The following ZFR variants were observed in gnomAD, a reference collection of about 807,000 sequenced individuals.
ZFR encodes zinc finger RNA-binding protein.
Under a neutral mutation model 130.7 loss-of-function variants are expected in ZFR, and 19 were observed. That is an observed-to-expected ratio of 0.15 (90% CI 0.10 to 0.21). The LOEUF is 0.21. Among genes scored for constraint, ZFR ranks in the 10% least tolerant of loss-of-function variants. The probability of loss-of-function intolerance (pLI) is 1.00; values close to 1 mark genes in which losing one functional copy is unlikely to be tolerated. For synonymous variants in ZFR, 466 were observed against 456.9 expected, an observed-to-expected ratio of 1.02 and a Z score of -0.25; for missense variants, 872 against 1,321.5, an observed-to-expected ratio of 0.66 and a Z score of 5.27.
chr5:32,419,662 T>C (rs966586527), intron 3 of ZFR, among the ~76,000 whole-genome samples, 159 bp downstream of exon 3: 2 of 152,202 alleles, frequency 1.3e-5, no homozygotes, highest in African/African-American at 4.8e-5. Context: ...ATGGTTGGTA[T>C]GTCCCAAACT....
chr5:32,383,908 C>T (rs1199222456), intron 15 of ZFR: 2 of 391,382 alleles, frequency 5.1e-6, no homozygotes, highest in South Asian at 1.8e-5. Context: ...CAAAATCTTT[C>T]CATTTTGGAC....
chr5:32,395,182 C>T lies in ZFR; in HGVS notation c.1956G>A (p.Glu652=). The T allele has an allele frequency of 6.2e-7, 1 of 1,604,014 alleles. No individual in the cohort carries two copies. Among genetic ancestry groups the T allele is most frequent in the Non-Finnish European group, 8.5e-7 (1 of 1,175,730 alleles). ...KEEYWRRREE[E]ERWRMEMRRY... Reference sequence around the variant, plus strand: ...ACCTCATTTCCATTCTCCAACGCTCCTCTTCTTCTCGTCTTCGCCAGTACT... The same window carrying T: ...ACCTCATTTCCATTCTCCAACGCTCTTCTTCTTCTCGTCTTCGCCAGTACT... Residue 652 remains glutamate (E), a synonymous_variant, in exon 11 of 20, where the codon GAG becomes GAA. Transcript: ENST00000265069.
rs1175218331 is a variant in ZFR at position 32,403,099 on chromosome 5, T to C, written c.1516+7A>G. On this transcript the variant is annotated splice_region_variant and intron_variant, in intron 8 of 19. Transcript: ENST00000265069. ...AGTCAGCAGGGACAGAGAATATCAGTACTTGCCAACAAAATTTATTTTGGG... is the reference window on the plus strand; with the variant it reads ...AGTCAGCAGGGACAGAGAATATCAGCACTTGCCAACAAAATTTATTTTGGG... 6.2e-7 allele frequency: 1 copy of C among 1,612,826 alleles called. No individual in the cohort carries two copies. Among genetic ancestry groups the C allele is most frequent in the Admixed American group, 1.7e-5 (1 of 59,940 alleles).
intron 12 of ZFR, 53 bp from the exon 13 acceptor site, chr5:32,388,727 A>T (rs1753094946): frequency 2.1e-6 from 3 of 1,454,310 alleles, no homozygotes; most frequent in Non-Finnish European, 2.8e-6. Flanking sequence ...GAGCAAAAGC[A>T]AATTATATTT....
chr5:32,356,033 A>G (rs537182595), intron 19 of ZFR, 94 bp from the exon 20 acceptor site: 2 of 958,834 alleles, frequency 2.1e-6, no homozygotes, highest in Non-Finnish European at 3.0e-6. Flanking sequence ...AACCTAAAAA[A>G]GCATGTGTAA....
chr5:32,404,909 C>T (rs1040909708), intron 6 of ZFR, among the ~76,000 whole-genome samples: 2 of 152,114 alleles, frequency 1.3e-5, no homozygotes, highest in African/African-American at 4.8e-5. Context: ...CTCCACCTCC[C>T]AGGCTCATGT....
chr5:32,444,734 A>C lies in ZFR; in HGVS notation c.-76T>G. On this transcript the variant is annotated 5_prime_UTR_variant, in exon 1 of 20. Transcript: ENST00000265069. The stretch of plus-strand genomic sequence containing the variant: ...CCTCTGCCCCGCTCCTCCTCAGCGG[A>C]GAACAGACCGCCGCCTCCGACCGCA... The C allele has an allele frequency of 1.3e-6, 2 of 1,481,674 alleles. No homozygotes were observed. The highest frequency in any genetic ancestry group is 1.8e-6 in the Non-Finnish European group (2 of 1,116,216). The allele number at this position is 1,481,674 out of a possible 1,614,324, so 91.8% of individuals were successfully genotyped here. A position where few individuals can be genotyped will look rare whatever the true frequency, so the allele number is the denominator to read the frequency against.
At chr5:32,375,555 G>C (rs1427979661) in intron 17 of ZFR, among the ~76,000 whole-genome samples, 1 of 152,174 alleles carries the variant, frequency 6.6e-6, no homozygotes, top group Non-Finnish European at 1.5e-5. Context: ...TGTCACCCAG[G>C]CTGGAGTGCC....
intron 19 of ZFR, among the ~76,000 whole-genome samples, chr5:32,356,343 C>G (rs1752306668): frequency 6.6e-6 from 1 of 152,166 alleles, no homozygotes; most frequent in African/African-American, 2.4e-5. Context: ...TGTAATTATA[C>G]TCATGTGGAT....
At position 32,403,938 on chromosome 5, in the gene ZFR, C is replaced by T; in HGVS notation, c.1192G>A (p.Ala398Thr). The change falls in exon 7 of 20, where the codon GCT becomes ACT. Residue 398 changes from alanine to threonine, a missense_variant. Around this residue, in one of 7 missense-constraint regions of ZFR, gnomAD observed 21 missense variants for 54.4 expected, o/e 0.39. Transcript: ENST00000265069. ...TGCTTAGCACCACGAATGTGGGCAG[C>T]ATACGCATCTGCTCCTGTACAAGAC... ...DVSCTGADAYAAHIRGAKHQK... is the reference protein window; with the variant it reads ...DVSCTGADAYTAHIRGAKHQK... 1 of 1,603,940 alleles carries T rather than the reference C, an allele frequency of 6.2e-7. No individual in the cohort carries two copies. The highest frequency in any genetic ancestry group is 2.2e-5 in the East Asian group (1 of 44,804).
chr5:32,400,517 C>T (rs1309984527), intron 8 of ZFR, among the ~76,000 whole-genome samples: 1 of 152,138 alleles, frequency 6.6e-6, no homozygotes, highest in Non-Finnish European at 1.5e-5. Flanking sequence ...AGTTTCTTGG[C>T]AAGTGACTGA....
intron 5 of ZFR, among the ~76,000 whole-genome samples, chr5:32,410,942 A>C (rs1364432475): frequency 6.6e-6 from 1 of 152,248 alleles, no homozygotes; most frequent in Non-Finnish European, 1.5e-5. Context: ...CTAGGGAAAC[A>C]AGTGGGCAAA....
chr5:32,379,156 G>C lies in ZFR; in HGVS notation c.2794C>G (p.Leu932Val). The change falls in exon 17 of 20, where the codon CTC (leucine) becomes GTC (valine). Residue 932 changes from leucine (L) to valine (V), a missense_variant. By Grantham distance (32) the Leu-to-Val change is conservative. This residue lies in a region of ZFR where 158 missense variants were observed against 264.0 expected (regional missense o/e 0.60). Coordinates refer to ENST00000265069, the MANE Select transcript of ZFR (RefSeq NM_016107.5). ...CVIIIRILRD[L>V]CQRVPTWSDF... ...GACCAAGTTGGAACTCGCTGACAGA[G>C]GTCTCGAAGAATGCGTATGATAATC... 6.2e-7 allele frequency: 1 copy of C among 1,613,930 alleles called. No homozygotes were observed. The highest frequency in any genetic ancestry group is 1.3e-5 in the African/African-American group (1 of 75,024).
chr5:32,427,658 T>C (rs1754105521), intron 2 of ZFR, among the ~76,000 whole-genome samples: 3 of 152,042 alleles, frequency 2.0e-5, no homozygotes, highest in Admixed American at 6.5e-5. Context: ...TCCTGTGGAA[T>C]CTCAAGAGAT....
At chr5:32,358,386 C>T (rs550872116) in intron 19 of ZFR, among the ~76,000 whole-genome samples, 1 of 152,232 alleles carries the variant, frequency 6.6e-6, no homozygotes, top group South Asian at 2.1e-4. Flanking sequence ...TAAGGCCGGG[C>T]GCGGTGGCGC....
chr5:32,425,167 T>G (rs1754045576), intron 2 of ZFR, among the ~76,000 whole-genome samples: 1 of 152,218 alleles, frequency 6.6e-6, no homozygotes, highest in African/African-American at 2.4e-5. Context: ...TTCAGTGATG[T>G]GGAGCTTAGC....
intron 15 of ZFR, 94 bp from the exon 16 acceptor site, chr5:32,380,266 G>T: frequency 1.2e-6 from 1 of 814,276 alleles, no homozygotes; most frequent in Non-Finnish European, 2.0e-6. Flanking sequence ...TGTCACATGA[G>T]CCATTTGAGA....
chr5:32,387,881 A>AT (rs1274815077), intron 13 of ZFR, among the ~76,000 whole-genome samples, 182 bp from the exon 14 acceptor site: 3 of 151,996 alleles, frequency 2.0e-5, no homozygotes, highest in East Asian at 3.9e-4. Context: ...TAAAAAAAAA[A>AT]AATAATAAAG....
chr5:32,437,075 A>G (rs566692412), intron 2 of ZFR, among the ~76,000 whole-genome samples: 21 of 152,330 alleles, frequency 1.4e-4, no homozygotes, highest in Admixed American at 9.1e-4. Context: ...AGTCTCTATT[A>G]TATCATGCAA....
Sources: allele counts gnomAD v4.1 joint callset (sites outside exome capture counted in the v4.1 genomes callset), GRCh38; gene constraint gnomAD v4.1.1; regional missense constraint gnomAD v4.1.1; transcripts MANE v1.5; gene names NCBI Gene and HGNC (gene_info 2026-07-23, HGNC 2026-07-21).